Variants in PXDNL observed in about 807,000 individuals in gnomAD.
PXDNL encodes peroxidasin like.
PXDNL carries 145 observed loss-of-function variants against 150.8 expected under a neutral mutation model. The observed-to-expected ratio is 0.96, with a 90% CI of 0.84 to 1.10. PXDNL has a LOEUF of 1.10. Ranked by LOEUF, PXDNL falls within the 50% of genes least tolerant of loss-of-function variation. The pLI, the probability that PXDNL is intolerant of heterozygous loss-of-function variation, is 0.00. For synonymous variants in PXDNL, 757 were observed against 725.7 expected, an observed-to-expected ratio of 1.04 and a Z score of -0.69; for missense variants, 2,087 against 1,873.9, an observed-to-expected ratio of 1.11 and a Z score of -2.10.
chr8:51,677,558 C>T (rs1815651421), intron 1 of PXDNL, among the ~76,000 whole-genome samples: 1 of 152,094 alleles, frequency 6.6e-6, no homozygotes, highest in African/African-American at 2.4e-5. Context: ...TTCCGGTATG[C>T]AATAGAACTG....
At chr8:51,742,936 C>G (rs2130956083) in intron 1 of PXDNL, among the ~76,000 whole-genome samples, 1 of 152,176 alleles carries the variant, frequency 6.6e-6, no homozygotes, top group Admixed American at 6.5e-5. Context: ...TGTTGGTGAT[C>G]TATAATTTAA....
At chr8:51,704,436 T>G (rs764595810) in intron 1 of PXDNL, among the ~76,000 whole-genome samples, 2 of 152,228 alleles carry the variant, frequency 1.3e-5, no homozygotes, top group Non-Finnish European at 2.9e-5. Flanking sequence ...AAAGATGTCA[T>G]TAGTAGTCTT....
intron 1 of PXDNL, among the ~76,000 whole-genome samples, chr8:51,669,570 G>A (rs930759583): frequency 6.6e-6 from 1 of 152,140 alleles, no homozygotes; most frequent in Non-Finnish European, 1.5e-5. Context: ...GGTAATTTCA[G>A]GGTTTCATAT....
chr8:51,609,050 G>A (rs888604688), intron 2 of PXDNL, among the ~76,000 whole-genome samples: 3 of 152,028 alleles, frequency 2.0e-5, no homozygotes, highest in African/African-American at 7.2e-5. Flanking sequence ...GCAACTCCTT[G>A]TTCTCACAAA....
At chr8:51,639,425 G>T (rs1814689692) in intron 2 of PXDNL, among the ~76,000 whole-genome samples, 1 of 152,056 alleles carries the variant, frequency 6.6e-6, no homozygotes, top group African/African-American at 2.4e-5. Flanking sequence ...CTGGTTTTTT[G>T]AAAAGATAAA....
rs182005296 is a variant in PXDNL at position 51,611,180 on chromosome 8, A to G, written c.237-18482T>C. ...TATATCCAAGCAAAATATTATTATT[A>G]TTTTAATTAGCATGCCATGTAATAT... On this transcript the variant is annotated intron_variant, in intron 2 of 22. Transcript: ENST00000356297. Among the ~76,000 whole-genome samples, 14 of 152,332 alleles carry G rather than the reference A, an allele frequency of 9.2e-5. No individual in the cohort carries two copies. In the East Asian group the frequency reaches 2.3e-3, roughly 25 times the overall value.
Position 51,681,521 on chromosome 8 carries a change from C to T in PXDNL, c.165-26761G>A, listed in dbSNP as rs865967402. 5.9e-5 allele frequency among the ~76,000 whole-genome samples: 9 copies of T among 152,346 alleles called. No homozygotes were observed. The South Asian group carries it at 6.2e-4, about 11-fold the overall frequency. ...TCCTGGGCAAGGGCCCTGGGGCCCT[C>T]AGCCCACATGCTGCTGCAGATCTGG... On this transcript the variant is annotated intron_variant, in intron 1 of 22. Coordinates refer to ENST00000356297, the MANE Select transcript of PXDNL (RefSeq NM_144651.5).
At chr8:51,770,967 C>G (rs2037287254) in intron 1 of PXDNL, among the ~76,000 whole-genome samples, 2 of 152,200 alleles carry the variant, frequency 1.3e-5, no homozygotes, top group Admixed American at 6.5e-5. Context: ...CACCAGCCAT[C>G]ACAGACACAT....
rs536942279 is a variant in PXDNL, at chr8:51,350,399, G to A, written c.3902-4452C>T. ...TTTGAGAGGGAGTTTCACTCTTGTCGCCCAGGCTAGAGTACAATGATGCGA... is the reference window on the plus strand; with the variant it reads ...TTTGAGAGGGAGTTTCACTCTTGTCACCCAGGCTAGAGTACAATGATGCGA... On this transcript the variant is annotated intron_variant, in intron 19 of 22. Coordinates refer to ENST00000356297, the MANE Select transcript of PXDNL (RefSeq NM_144651.5). Among the ~76,000 whole-genome samples, 22 of 110,066 alleles carry A rather than the reference G, an allele frequency of 2.0e-4. No individual in the cohort carries two copies. The East Asian group carries it at 5.8e-3, about 29-fold the overall frequency. The allele number at this position is 110,066 out of a possible 152,430, so 72.2% of individuals were successfully genotyped here. A position where few individuals can be genotyped will look rare whatever the true frequency, so the allele number is the denominator to read the frequency against.
chr8:51,387,571 A>G (rs1807757572), intron 17 of PXDNL, among the ~76,000 whole-genome samples: 1 of 152,186 alleles, frequency 6.6e-6, no homozygotes, highest in South Asian at 2.1e-4. Flanking sequence ...TAAGCCAGTG[A>G]GTGCTTCATC....
At chr8:51,594,309 G>T (rs1006333587) in intron 2 of PXDNL, among the ~76,000 whole-genome samples, 35 of 152,138 alleles carry the variant, frequency 2.3e-4, no homozygotes, top group Non-Finnish European at 3.4e-4. Flanking sequence ...AAAACAATTT[G>T]AGTGACTATT....
chr8:51,651,584 G>A (rs1196335253), intron 2 of PXDNL, among the ~76,000 whole-genome samples: 1 of 152,140 alleles, frequency 6.6e-6, no homozygotes, highest in East Asian at 1.9e-4. Context: ...GCAGATGAGT[G>A]AGGAGTATCA....
rs543046512 is a variant in PXDNL at position 51,603,214 on chromosome 8, T to A, written c.237-10516A>T. The stretch of plus-strand genomic sequence containing the variant: ...CTTTATATAGGATAGTTTCTACCCC[T>A]CTTTTTTATTATTTTAATGATTAAT... On this transcript the variant is annotated intron_variant, in intron 2 of 22. Coordinates refer to ENST00000356297, the MANE Select transcript of PXDNL (RefSeq NM_144651.5). Among the ~76,000 whole-genome samples, 11 of 152,034 alleles carry A rather than the reference T, an allele frequency of 7.2e-5. 1 individual carries two copies. In the South Asian group the frequency reaches 2.3e-3, roughly 31 times the overall value.
chr8:51,744,481 C>T lies in PXDNL; in HGVS notation c.164+64700G>A, dbSNP rs1338169530. 1.0e-4 allele frequency among the ~76,000 whole-genome samples: 15 copies of T among 146,568 alleles called. 1 individual carries two copies. Among genetic ancestry groups the T allele is most frequent in the African/African-American group, 3.6e-4 (14 of 39,380 alleles). Reference sequence around the variant, plus strand: ...AGGAGATCGAGACCATCCTAGCTAACATGGTGAAACCCCATCTCTACTAAA... The same window carrying T: ...AGGAGATCGAGACCATCCTAGCTAATATGGTGAAACCCCATCTCTACTAAA... On this transcript the variant is annotated intron_variant, in intron 1 of 22. Transcript: ENST00000356297.
intron 17 of PXDNL, among the ~76,000 whole-genome samples, chr8:51,380,159 T>C (rs937890419): frequency 8.5e-5 from 13 of 152,106 alleles, no homozygotes; most frequent in Admixed American, 2.6e-4. Context: ...AAACTCATAA[T>C]ATTTTAAGAA....
intron 2 of PXDNL, among the ~76,000 whole-genome samples, chr8:51,630,803 G>C (rs1195474602): frequency 6.6e-6 from 1 of 151,534 alleles, no homozygotes; most frequent in African/African-American, 2.4e-5. Context: ...AGGTTGTAGA[G>C]AAAAGGGAAT....
intron 14 of PXDNL, among the ~76,000 whole-genome samples, chr8:51,420,385 C>A (rs1808916401): frequency 6.6e-6 from 1 of 152,160 alleles, no homozygotes; most frequent in Non-Finnish European, 1.5e-5. Flanking sequence ...AACACATACA[C>A]ACTCCTTGTC....
chr8:51,553,949 T>C (rs1165722853), intron 4 of PXDNL, among the ~76,000 whole-genome samples: 1 of 152,018 alleles, frequency 6.6e-6, no homozygotes, highest in African/African-American at 2.4e-5. Flanking sequence ...AGTTTATACA[T>C]CCACATTTAA....
intron 9 of PXDNL, among the ~76,000 whole-genome samples, chr8:51,454,057 A>T (rs1288671283): frequency 6.6e-6 from 1 of 152,142 alleles, no homozygotes; most frequent in East Asian, 1.9e-4. Flanking sequence ...CACAATACAT[A>T]TTCCTTATTT....
Sources: allele counts gnomAD v4.1 joint callset (sites outside exome capture counted in the v4.1 genomes callset), GRCh38; gene constraint gnomAD v4.1.1; transcripts MANE v1.5; gene names NCBI Gene and HGNC (gene_info 2026-07-23, HGNC 2026-07-21).